Variants in ADAMTS9 observed in about 807,000 individuals in gnomAD.
ADAMTS9 encodes ADAM metallopeptidase with thrombospondin type 1 motif 9.
In ADAMTS9, 107 loss-of-function variants were observed where a neutral mutation model predicts 257.1. The observed-to-expected ratio is 0.42, with a 90% CI of 0.36 to 0.49. The LOEUF (loss-of-function observed/expected upper bound fraction) is 0.49. Among genes scored for constraint, ADAMTS9 ranks in the 20% least tolerant of loss-of-function variants. The pLI, the probability that ADAMTS9 is intolerant of heterozygous loss-of-function variation, is 0.03. For missense variants in ADAMTS9, 2,353 were observed against 2,469.1 expected (o/e 0.95, Z 1.00); for synonymous variants, 982 against 880.9 (o/e 1.11, Z -2.03).
rs1410191613 is a variant in ADAMTS9, at chr3:64,655,812, T to C, written c.1033A>G (p.Ile345Val). 6.3e-7 allele frequency: 1 copy of C among 1,575,084 alleles called. No homozygotes were observed. Among genetic ancestry groups the C allele is most frequent in the South Asian group, 1.2e-5 (1 of 84,950 alleles). The part of the protein sequence containing the change: ...NLINIVIVNL[I>V]VIHNEQDGPS... ...ATTACCTGTTCATTATGAATCACAA[T>C]TAAGTTCACAATAACAATATTAATT... The change falls in exon 5 of 40, where the codon ATT (isoleucine) becomes GTT (valine). Residue 345 changes from isoleucine (I) to valine (V), a missense_variant. This residue lies in a region of ADAMTS9 where 591 missense variants were observed against 569.6 expected (regional missense o/e 1.04). Transcript: ENST00000498707.
chr3:64,605,491 A>C (rs1008698510), intron 23 of ADAMTS9, among the ~76,000 whole-genome samples: 2 of 152,214 alleles, frequency 1.3e-5, no homozygotes, highest in Non-Finnish European at 2.9e-5. Context: ...TCCATTAACA[A>C]CACACTTTGA....
At chr3:64,523,363 A>C (rs565458270) in intron 38 of ADAMTS9, among the ~76,000 whole-genome samples, 1 of 152,164 alleles carries the variant, frequency 6.6e-6, no homozygotes, top group Non-Finnish European at 1.5e-5. Context: ...GAAGTGACTA[A>C]AGAATTAGAC....
At chr3:64,579,478 T>A (rs535383563) in intron 28 of ADAMTS9, among the ~76,000 whole-genome samples, 1 of 152,358 alleles carries the variant, frequency 6.6e-6, no homozygotes, top group South Asian at 2.1e-4. Context: ...GCCGTCTTCT[T>A]TCATAATATA....
intron 14 of ADAMTS9, 88 bp downstream of exon 14, chr3:64,633,384 A>G: frequency 6.4e-7 from 1 of 1,559,538 alleles, no homozygotes; most frequent in Non-Finnish European, 8.7e-7. Flanking sequence ...GTGCACAGAT[A>G]CTAGCAGTTG....
chr3:64,646,094 A>T (rs1197429675), intron 11 of ADAMTS9, among the ~76,000 whole-genome samples: 3 of 152,212 alleles, frequency 2.0e-5, no homozygotes, highest in Non-Finnish European at 4.4e-5. Flanking sequence ...CTTTTGCAGC[A>T]ATAACATGTG....
intron 2 of ADAMTS9, among the ~76,000 whole-genome samples, chr3:64,684,489 C>A (rs1379228095): frequency 1.3e-5 from 2 of 152,128 alleles, no homozygotes; most frequent in South Asian, 2.1e-4. Context: ...CATCTTGATG[C>A]CACTGCTGCA....
chr3:64,581,426 C>T (rs1174095407), intron 28 of ADAMTS9, among the ~76,000 whole-genome samples: 1 of 151,932 alleles, frequency 6.6e-6, no homozygotes, highest in Non-Finnish European at 1.5e-5. Flanking sequence ...GTGAGACTGG[C>T]TAATTTTTGT....
At chr3:64,599,025 T>A (rs1035866216) in intron 26 of ADAMTS9, among the ~76,000 whole-genome samples, 2 of 152,094 alleles carry the variant, frequency 1.3e-5, no homozygotes, top group Admixed American at 1.3e-4. Flanking sequence ...GAACACCTGA[T>A]CCATGGTCAA....
At position 64,601,984 on chromosome 3, in the gene ADAMTS9, A is replaced by T; in HGVS notation, c.3977T>A (p.Val1326Glu). 1 of 1,613,678 alleles carries T rather than the reference A, an allele frequency of 6.2e-7. No homozygotes were observed. The highest frequency in any genetic ancestry group is 1.1e-5 in the South Asian group (1 of 91,004). Reference protein sequence around the residue: ...PRSASPSRTHVLGGNQWRTGP... With the variant: ...PRSASPSRTHELGGNQWRTGP... ...AGTTCTCCACTGGTTTCCACCGAGC[A>T]CATGGGTGCGGCTGGGGCTGGCGCT... is the stretch of plus-strand genomic sequence containing the variant. The change falls in exon 26 of 40, where the codon GTG becomes GAG. Residue 1326 changes from valine (V) to glutamate (E), a missense_variant. By Grantham distance (121) the Val-to-Glu change is moderately radical. Transcript: ENST00000498707.
intron 19 of ADAMTS9, among the ~76,000 whole-genome samples, chr3:64,620,351 C>T (rs2106858598): frequency 6.6e-6 from 1 of 152,254 alleles, no homozygotes; most frequent in South Asian, 2.1e-4. Context: ...CTTAAGTATT[C>T]ACTTTTCTGC....
At chr3:64,619,137 T>G (rs754150279) in intron 19 of ADAMTS9, among the ~76,000 whole-genome samples, 1 of 152,190 alleles carries the variant, frequency 6.6e-6, no homozygotes, top group Non-Finnish European at 1.5e-5. Context: ...CAATGCTATG[T>G]ATAAATCCAC....
intron 29 of ADAMTS9, among the ~76,000 whole-genome samples, chr3:64,566,809 G>C (rs191433983): frequency 6.6e-6 from 1 of 151,846 alleles, no homozygotes; most frequent in Admixed American, 6.6e-5. Context: ...GCTAATTAGC[G>C]TGGTATCTTA....
chr3:64,531,488 G>A (rs1575984276), intron 38 of ADAMTS9, among the ~76,000 whole-genome samples: 1 of 150,384 alleles, frequency 6.6e-6, no homozygotes, highest in East Asian at 2.0e-4. Context: ...AAAAAAAAGA[G>A]ATGGTGTCTC....
intron 31 of ADAMTS9, 109 bp downstream of exon 31, chr3:64,550,783 G>A: frequency 7.2e-7 from 1 of 1,380,774 alleles, no homozygotes; most frequent in South Asian, 1.4e-5. Flanking sequence ...GGCAAATCGG[G>A]CGGGTAGCCT....
At chr3:64,523,205 G>C (rs913057902) in intron 38 of ADAMTS9, among the ~76,000 whole-genome samples, 5 of 152,120 alleles carry the variant, frequency 3.3e-5, no homozygotes, top group South Asian at 2.1e-4. Context: ...TGCTTGAAAA[G>C]CTAATAGCAT....
At chr3:64,678,862 C>A (rs182064588) in intron 3 of ADAMTS9, among the ~76,000 whole-genome samples, 1 of 152,204 alleles carries the variant, frequency 6.6e-6, no homozygotes, top group Non-Finnish European at 1.5e-5. Context: ...AAGAGAGAGA[C>A]CAGAGTGGCA....
At chr3:64,542,987 C>T (rs902611253) in intron 32 of ADAMTS9, among the ~76,000 whole-genome samples, 1 of 152,160 alleles carries the variant, frequency 6.6e-6, no homozygotes, top group African/African-American at 2.4e-5. Flanking sequence ...ACTATAAACA[C>T]CTCTATGCAA....
chr3:64,570,875 G>T (rs1267558098), intron 28 of ADAMTS9, among the ~76,000 whole-genome samples: 1 of 152,044 alleles, frequency 6.6e-6, no homozygotes, highest in East Asian at 1.9e-4. Flanking sequence ...TACAGCATTG[G>T]GAGTCAAAGA....
chr3:64,607,484 A>C (rs888842934), intron 22 of ADAMTS9, among the ~76,000 whole-genome samples: 3 of 152,238 alleles, frequency 2.0e-5, no homozygotes, highest in Non-Finnish European at 4.4e-5. Flanking sequence ...AGTTTGCATC[A>C]ATATTTTTAT....
Sources: allele counts gnomAD v4.1 joint callset (sites outside exome capture counted in the v4.1 genomes callset), GRCh38; gene constraint gnomAD v4.1.1; regional missense constraint gnomAD v4.1.1; transcripts MANE v1.5; gene names NCBI Gene and HGNC (gene_info 2026-07-23, HGNC 2026-07-21).